Variants in NBAS observed in about 807,000 individuals in gnomAD.
The protein encoded by NBAS is NBAS subunit of NRZ tethering complex.
In NBAS, 219 loss-of-function variants were observed where a neutral mutation model predicts 302.5. The observed-to-expected ratio is 0.72, with a 90% CI of 0.65 to 0.81. The LOEUF (loss-of-function observed/expected upper bound fraction) is 0.81. NBAS is among the 30% of genes least tolerant of loss of function. The pLI is 0.00. For synonymous variants in NBAS, 1,118 were observed against 1,021.6 expected, an observed-to-expected ratio of 1.09 and a Z score of -1.80; for missense variants, 2,932 against 2,841.6, an observed-to-expected ratio of 1.03 and a Z score of -0.72.
At chr2:15,437,079 C>T (rs992869580) in intron 21 of NBAS, among the ~76,000 whole-genome samples, 1 of 151,986 alleles carries the variant, frequency 6.6e-6, no homozygotes, top group African/African-American at 2.4e-5. Flanking sequence ...TCTAAATTCC[C>T]AAAATGGTCT....
chr2:14,859,074 T>C, the NBAS span, among the ~76,000 whole-genome samples: 4 of 152,012 alleles, frequency 2.6e-5, no homozygotes, highest in Admixed American at 6.6e-5. Flanking sequence ...AAGAAAGTAA[T>C]ATCATTTGCA....
chr2:15,220,215 G>A (rs1666889201), intron 47 of NBAS, among the ~76,000 whole-genome samples: 1 of 149,076 alleles, frequency 6.7e-6, no homozygotes, highest in South Asian at 2.1e-4. Flanking sequence ...GGGGCGGCTG[G>A]CCGGGCAGAG....
At chr2:14,862,872 G>A in the NBAS span, among the ~76,000 whole-genome samples, 1 of 152,160 alleles carries the variant, frequency 6.6e-6, no homozygotes, top group Non-Finnish European at 1.5e-5. Flanking sequence ...CAGGGACTCA[G>A]GTTTCTCCCA....
intron 10 of NBAS, 138 bp downstream of exon 10, chr2:15,511,074 A>T: frequency 1.9e-6 from 2 of 1,070,644 alleles, no homozygotes; most frequent in Non-Finnish European, 2.8e-6. Context: ...AAATAAAATT[A>T]TACCAGCATT....
At chr2:15,162,510 A>G (rs1252980083), downstream of NBAS, among the ~76,000 whole-genome samples, 1 of 152,132 alleles carries the variant, frequency 6.6e-6, no homozygotes, top group Non-Finnish European at 1.5e-5. Context: ...AGTCAGAGTT[A>G]TTTTTCATTT....
chr2:15,428,851 A>G (rs1441449194), intron 21 of NBAS, among the ~76,000 whole-genome samples: 11 of 151,548 alleles, frequency 7.3e-5, no homozygotes, highest in South Asian at 6.3e-4. Flanking sequence ...AGACCATCCT[A>G]GCTAACACAG....
At chr2:14,818,920 T>C in the NBAS span, among the ~76,000 whole-genome samples, 56 of 152,328 alleles carry the variant, frequency 3.7e-4, no homozygotes, top group African/African-American at 1.3e-3. Context: ...GGAAAACCCT[T>C]TCCTACTACC....
the NBAS span, among the ~76,000 whole-genome samples, chr2:15,028,614 T>C: frequency 5.9e-5 from 9 of 152,340 alleles, no homozygotes; most frequent in Admixed American, 1.3e-4. Context: ...TGTGTTCCTC[T>C]GATGTCATCT....
At chr2:14,954,684 T>C in the NBAS span, among the ~76,000 whole-genome samples, 2 of 152,144 alleles carry the variant, frequency 1.3e-5, no homozygotes, top group African/African-American at 2.4e-5. Context: ...CTTCACATGA[T>C]GGCAGGAGAG....
chr2:14,833,700 C>T, the NBAS span, among the ~76,000 whole-genome samples: 2 of 151,586 alleles, frequency 1.3e-5, no homozygotes, highest in African/African-American at 4.9e-5. Context: ...AAGAAAAAGC[C>T]TTGGACTGGG....
At chr2:15,366,994 G>T (rs891298678) in intron 31 of NBAS, among the ~76,000 whole-genome samples, 6 of 152,208 alleles carry the variant, frequency 3.9e-5, no homozygotes, top group African/African-American at 1.4e-4. Context: ...AGGACTTAGG[G>T]AAAAATTTAA....
intron 10 of NBAS, among the ~76,000 whole-genome samples, chr2:15,507,336 T>C (rs1661908006): frequency 6.6e-6 from 1 of 152,072 alleles, no homozygotes; most frequent in Non-Finnish European, 1.5e-5. Flanking sequence ...TTCAGGGAAA[T>C]AGGATTTCTC....
In NBAS at chr2:15,553,457, C is replaced by T; in HGVS notation, c.304G>A (p.Ala102Thr). Reference sequence around the variant, plus strand: ...TCCACACACTGATCTTGAACAGCAGCCAAAAGCTTTCCATTGCTTTTATGG... The same window carrying T: ...TCCACACACTGATCTTGAACAGCAGTCAAAAGCTTTCCATTGCTTTTATGG... ...LVLASNGKLL[A>T]AVQDQCVEIR... The change falls in exon 5 of 52, where the codon GCT becomes ACT. Residue 102 changes from alanine (A) to threonine (T), a missense_variant. Coordinates refer to ENST00000281513, the MANE Select transcript of NBAS (RefSeq NM_015909.4). 6.2e-7 allele frequency: 1 copy of T among 1,611,512 alleles called. No individual in the cohort carries two copies. The highest frequency in any genetic ancestry group is 2.2e-5 in the East Asian group (1 of 44,810).
At chr2:15,356,108 T>C (rs1427285873) in intron 33 of NBAS, among the ~76,000 whole-genome samples, 195 bp downstream of exon 33, 2 of 152,236 alleles carry the variant, frequency 1.3e-5, no homozygotes, top group Non-Finnish European at 2.9e-5. Context: ...TAAAATTTAA[T>C]GTCTGAATCT....
intron 21 of NBAS, among the ~76,000 whole-genome samples, chr2:15,451,525 GA>G (rs1245499307): frequency 6.6e-6 from 1 of 152,040 alleles, no homozygotes; most frequent in Non-Finnish European, 1.5e-5. Context: ...GATTTGTGAA[GA>G]ACTGGAATAA....
At chr2:14,787,043 T>C in the NBAS span, among the ~76,000 whole-genome samples, 3 of 152,226 alleles carry the variant, frequency 2.0e-5, no homozygotes, top group South Asian at 2.1e-4. Flanking sequence ...TAGTTAGCTC[T>C]TCTTGTTGAA....
the NBAS span, among the ~76,000 whole-genome samples, chr2:15,158,472 C>A: frequency 6.6e-6 from 1 of 152,232 alleles, no homozygotes; most frequent in South Asian, 2.1e-4. Context: ...TTCCTCCTGA[C>A]AGCAGAACTG....
At chr2:15,112,882 A>G in the NBAS span, among the ~76,000 whole-genome samples, 2 of 152,190 alleles carry the variant, frequency 1.3e-5, no homozygotes, top group African/African-American at 2.4e-5. Flanking sequence ...CTGAGTAACT[A>G]AAATGGCTGG....
At chr2:15,298,631 G>A (rs1365022730) in intron 40 of NBAS, among the ~76,000 whole-genome samples, 6 of 152,056 alleles carry the variant, frequency 3.9e-5, no homozygotes, top group Admixed American at 6.5e-5. Context: ...GATTACTTCC[G>A]ATATTCAAAT....
Sources: gnomAD v4.1 joint callset for allele counts (sites outside exome capture counted in the v4.1 genomes callset) on GRCh38, gnomAD v4.1.1 for gene constraint, MANE v1.5 for transcripts, NCBI Gene and HGNC (gene_info 2026-07-23, HGNC 2026-07-21) for gene names.